TECPR2: variants seen among roughly 807,000 people sequenced by gnomAD.
TECPR2 encodes tectonin beta-propeller repeat containing 2.
Under a neutral mutation model 138.1 loss-of-function variants are expected in TECPR2, and 65 were observed. The ratio of observed to expected loss-of-function variants is 0.47; its 90% CI spans 0.39 to 0.58. The LOEUF (loss-of-function observed/expected upper bound fraction) is 0.58, where lower values mean the gene tolerates loss of function less well. Ranked by LOEUF, TECPR2 falls within the 20% of genes least tolerant of loss-of-function variation. The pLI is 0.00. For missense variants in TECPR2, 1,553 were observed against 1,824.5 expected (o/e 0.85, Z 2.71); for synonymous variants, 746 against 749.8 (o/e 0.99, Z 0.08).
rs1388940552 is a variant in TECPR2 at position 102,415,602 on chromosome 14, C to G, written c.638+809C>G. 6.6e-6 allele frequency among the ~76,000 whole-genome samples: 1 copy of G among 152,080 alleles called. No homozygotes were observed. Among genetic ancestry groups the G allele is most frequent in the Non-Finnish European group, 1.5e-5 (1 of 68,016 alleles). ...GGGGTAGGTAGAGCAGTGGAGCTGACCCCTCCTATGCCAAGGAGGAGGTAG... is the reference window on the plus strand; with the variant it reads ...GGGGTAGGTAGAGCAGTGGAGCTGAGCCCTCCTATGCCAAGGAGGAGGTAG... On this transcript the variant is annotated intron_variant, in intron 5 of 19. Transcript: ENST00000359520. This position sits in a 1 kb window ranked among gnomAD's most constrained non-coding sequence, Gnocchi z 4.3.
intron 7 of TECPR2, among the ~76,000 whole-genome samples, chr14:102,431,557 T>G (rs553344061): frequency 6.6e-6 from 1 of 152,136 alleles, no homozygotes; most frequent in East Asian, 1.9e-4. Flanking sequence ...TTAGCCAGGA[T>G]GGTCTTGATC....
chr14:102,423,173 C>G (rs956145477), intron 5 of TECPR2, among the ~76,000 whole-genome samples: 2 of 152,174 alleles, frequency 1.3e-5, no homozygotes, highest in African/African-American at 4.8e-5. Flanking sequence ...TGGCTCATGC[C>G]TGTAATCCCA....
chr14:102,497,531 C>A, intron 18 of TECPR2, 39 bp from the exon 19 acceptor site: 1 of 1,488,854 alleles, frequency 6.7e-7, no homozygotes, highest in Non-Finnish European at 8.9e-7. Flanking sequence ...CCCATCCCGT[C>A]CATGGCAGGG....
At chr14:102,490,011 G>A (rs1891120197) in intron 17 of TECPR2, among the ~76,000 whole-genome samples, 4 of 151,962 alleles carry the variant, frequency 2.6e-5, no homozygotes, top group Admixed American at 2.6e-4. Flanking sequence ...AGCAAATCCA[G>A]GTGACAGTTA....
In TECPR2 at chr14:102,419,564, GGACAGA is replaced by G. The variant is rs1889124008; in HGVS notation, c.638+4775_638+4780del. On this transcript the variant is annotated intron_variant, in intron 5 of 19. Coordinates refer to ENST00000359520, the MANE Select transcript of TECPR2 (RefSeq NM_014844.5). The surrounding 1 kb of genome is among the most constrained non-coding windows in gnomAD (Gnocchi z 4.8). ...GCAGTGTAGGGTTGACCAGAAACCGGGACAGAGACTCTCTTCCAGAGAAAGGGCAGG... is the reference window on the plus strand; with the variant it reads ...GCAGTGTAGGGTTGACCAGAAACCGGGACTCTCTTCCAGAGAAAGGGCAGG... Among the ~76,000 whole-genome samples, 1 of 152,058 alleles carries G rather than the reference GGACAGA, an allele frequency of 6.6e-6. No individual in the cohort carries two copies. Among genetic ancestry groups the G allele is most frequent in the Admixed American group, 6.6e-5 (1 of 15,264 alleles).
chr14:102,408,539 G>C lies in TECPR2; in HGVS notation c.400G>C (p.Ala134Pro). ...TCACAAAAATAGCATTACAGCTCTGGCTTGGAGCCCCAATGGAATGAAATT... is the reference window on the plus strand; with the variant it reads ...TCACAAAAATAGCATTACAGCTCTGCCTTGGAGCCCCAATGGAATGAAATT... Reference protein sequence around the residue: ...GIHKNSITALAWSPNGMKLFS... With the variant: ...GIHKNSITALPWSPNGMKLFS... The change falls in exon 4 of 20, where the codon GCT (alanine) becomes CCT (proline). Residue 134 changes from alanine to proline, a missense_variant. Physicochemically the swap from Ala to Pro is conservative, Grantham distance 27. Coordinates refer to ENST00000359520, the MANE Select transcript of TECPR2 (RefSeq NM_014844.5). 1.2e-6 allele frequency: 2 copies of C among 1,613,434 alleles called. No homozygotes were observed. Among genetic ancestry groups the C allele is most frequent in the Non-Finnish European group, 1.7e-6 (2 of 1,179,838 alleles).
At chr14:102,384,846 CTTTTTTTTTTTTTT>C (rs58616138) in intron 2 of TECPR2, among the ~76,000 whole-genome samples, 1 of 99,402 alleles carries the variant, frequency 1.0e-5, no homozygotes, top group East Asian at 2.8e-4. Context: ...TTTTCCTTTC[CTTTTTTTTTTTTTT>C]TTTTTTTTTT....
intron 1 of TECPR2, among the ~76,000 whole-genome samples, chr14:102,371,500 G>A (rs1887507993): frequency 6.6e-6 from 1 of 152,174 alleles, no homozygotes; most frequent in Non-Finnish European, 1.5e-5. Flanking sequence ...TAGGGAAATA[G>A]CATGGATTCT....
chr14:102,498,994 T>TGCACCGCACCGCACCGCACC lies in TECPR2; in HGVS notation c.*739_*758dup, dbSNP rs563322831. ...CAACACACCACACCCCACACCGCAC[T>TGCACCGCACCGCACCGCACC]GCACCGCACCGCACCGCACCGTACC... On this transcript the variant is annotated 3_prime_UTR_variant, in exon 20 of 20. Coordinates refer to ENST00000359520, the MANE Select transcript of TECPR2 (RefSeq NM_014844.5). 2.9e-6 allele frequency: 2 copies of TGCACCGCACCGCACCGCACC among 692,938 alleles called. No individual in the cohort carries two copies. The highest frequency in any genetic ancestry group is 2.7e-5 in the East Asian group (1 of 36,746). The allele number at this position is 692,938 out of a possible 1,614,324, so 42.9% of individuals were successfully genotyped here. A position where few individuals can be genotyped will look rare whatever the true frequency, so the allele number is the denominator to read the frequency against.
intron 5 of TECPR2, among the ~76,000 whole-genome samples, chr14:102,423,144 A>AT (rs1456923517): frequency 3.9e-5 from 6 of 152,114 alleles, no homozygotes; most frequent in Admixed American, 3.3e-4. Flanking sequence ...TTAAAATGAG[A>AT]TTTTTTGGCC....
At chr14:102,382,912 A>C (rs1330678387) in intron 2 of TECPR2, among the ~76,000 whole-genome samples, 2 of 151,720 alleles carry the variant, frequency 1.3e-5, no homozygotes, top group Non-Finnish European at 2.9e-5. Context: ...GCCTGCCACC[A>C]CGCCCAGCTA....
intron 2 of TECPR2, among the ~76,000 whole-genome samples, chr14:102,394,124 C>G (rs1888252485): frequency 6.6e-6 from 1 of 152,128 alleles, no homozygotes; most frequent in Admixed American, 6.6e-5. Flanking sequence ...TCTCATGTTA[C>G]CCAACTCCAG....
chr14:102,479,246 T>C (rs1185564776), intron 17 of TECPR2, among the ~76,000 whole-genome samples: 1 of 152,110 alleles, frequency 6.6e-6, no homozygotes, highest in Non-Finnish European at 1.5e-5. Context: ...GTAAAGAGGC[T>C]TGGCCTAGTG....
intron 2 of TECPR2, among the ~76,000 whole-genome samples, chr14:102,381,872 A>G (rs963954180): frequency 9.2e-5 from 14 of 152,250 alleles, no homozygotes; most frequent in African/African-American, 3.1e-4. Flanking sequence ...TAACTGATCA[A>G]GTTTTAACAG....
chr14:102,461,262 T>C (rs569015960), intron 16 of TECPR2, among the ~76,000 whole-genome samples: 1 of 152,332 alleles, frequency 6.6e-6, no homozygotes, highest in South Asian at 2.1e-4. Flanking sequence ...ATGTCAGGCA[T>C]TGGAATGTTT....
chr14:102,383,652 C>T (rs1887901717), intron 2 of TECPR2, among the ~76,000 whole-genome samples: 1 of 151,914 alleles, frequency 6.6e-6, no homozygotes. Flanking sequence ...AAGTGATCCA[C>T]TTGCCTCGGC....
intron 17 of TECPR2, among the ~76,000 whole-genome samples, chr14:102,495,400 C>T (rs1207312671): frequency 2.0e-5 from 3 of 152,190 alleles, no homozygotes; most frequent in African/African-American, 7.2e-5. Context: ...AACCCCCTTT[C>T]TATACATCAC....
chr14:102,476,890 A>G (rs574403508), intron 17 of TECPR2, among the ~76,000 whole-genome samples: 1 of 152,114 alleles, frequency 6.6e-6, no homozygotes, highest in African/African-American at 2.4e-5. Context: ...CCCCGTCTGT[A>G]CAAAAAATAC....
chr14:102,443,902 G>T lies in TECPR2; in HGVS notation c.2933+75G>T. 2 of 1,383,578 alleles carry T rather than the reference G, an allele frequency of 1.4e-6. No individual in the cohort carries two copies. Among genetic ancestry groups the T allele is most frequent in the East Asian group, 2.5e-5 (1 of 40,390 alleles). 85.7% of individuals were successfully genotyped at this position (1,383,578 alleles called of 1,614,324 possible). On this transcript the variant is annotated intron_variant, in intron 12 of 19. Coordinates refer to ENST00000359520, the MANE Select transcript of TECPR2 (RefSeq NM_014844.5). The surrounding 1 kb of genome is among the most constrained non-coding windows in gnomAD (Gnocchi z 4.9). ...GTTCTTGTCCACTTGACACCACAAG[G>T]CACCATGAGGCCGTTCCTGGGAGGC...
Sources: allele counts gnomAD v4.1 joint callset (sites outside exome capture counted in the v4.1 genomes callset), GRCh38; gene constraint gnomAD v4.1.1; non-coding constraint Gnocchi (gnomAD v3.1); transcripts MANE v1.5; gene names NCBI Gene and HGNC (gene_info 2026-07-23, HGNC 2026-07-21).